Variants in POU3F4 observed in about 807,000 individuals in gnomAD.
The protein encoded by POU3F4 is POU class 3 homeobox 4.
A neutral mutation model predicts 15.2 loss-of-function variants in POU3F4; 2 were observed. The ratio of observed to expected loss-of-function variants is 0.13; its 90% CI spans 0.05 to 0.42. The LOEUF is 0.42. Among genes scored for constraint, POU3F4 ranks in the 10% least tolerant of loss-of-function variants. The pLI is 0.99. For missense variants in POU3F4, 220 were observed against 297.0 expected, an observed-to-expected ratio of 0.74 and a Z score of 1.91; for synonymous variants, 158 against 133.3, an observed-to-expected ratio of 1.19 and a Z score of -1.28.
rs758987044 is a variant in POU3F4 at position 83,511,882 on chromosome X, TAA to T, written c.*2473_*2474del. On this transcript the variant is annotated 3_prime_UTR_variant, in exon 1 of 1. Transcript: ENST00000644024. ...GATGTATAATAAACGCTATTTTCAT[TAA>T]GAGTTGCTTTTTCAACTATTTTATT... 3.5e-5 allele frequency: 4 copies of T among 112,698 alleles called. No homozygotes were observed. The highest frequency in any genetic ancestry group is 9.4e-5 in the Admixed American group (1 of 10,690). The allele number at this position is 112,698 out of a possible 1,213,427, so 9.3% of individuals were successfully genotyped here.
At position 83,509,398 on chromosome X, in the gene POU3F4, C is replaced by T; in HGVS notation, c.1074C>T (p.Cys358=). ...YSHTVKTDTS[C]HDL ...ACACCGTGAAAACAGACACATCTTG[C>T]CATGATCTCTGACTGGAGGAAGCGA... is the stretch of plus-strand genomic sequence containing the variant. Residue 358 remains cysteine, a synonymous_variant, in exon 1 of 1, where the codon TGC becomes TGT. Coordinates refer to ENST00000644024, the MANE Select transcript of POU3F4 (RefSeq NM_000307.5). The T allele has an allele frequency of 8.3e-7, 1 of 1,201,193 alleles. No homozygotes were observed. The highest frequency in any genetic ancestry group is 1.7e-5 in the African/African-American group (1 of 57,836).
chrX:83,511,705 C>G lies in POU3F4; in HGVS notation c.*2295C>G, dbSNP rs921303321. The G allele has an allele frequency of 5.4e-5, 6 of 111,642 alleles. No homozygotes were observed. Among genetic ancestry groups the G allele is most frequent in the Non-Finnish European group, 1.1e-4 (6 of 53,147 alleles). The allele number at this position is 111,642 out of a possible 1,213,427, so 9.2% of individuals were successfully genotyped here. ...ACTGTTGGGAGTTTTTTGTTTGTTT[C>G]GATTTTTTTTCTTTGCAGTTAATTG... On this transcript the variant is annotated 3_prime_UTR_variant, in exon 1 of 1. Coordinates refer to ENST00000644024, the MANE Select transcript of POU3F4 (RefSeq NM_000307.5).
rs1266974449 is a variant in POU3F4, at chrX:83,510,958, G to C, written c.*1548G>C. 9.1e-6 allele frequency: 1 copy of C among 109,570 alleles called. No homozygotes were observed. Among genetic ancestry groups the C allele is most frequent in the Non-Finnish European group, 1.9e-5 (1 of 52,419 alleles). The allele number at this position is 109,570 out of a possible 1,213,427, so 9.0% of individuals were successfully genotyped here. On this transcript the variant is annotated 3_prime_UTR_variant, in exon 1 of 1. Transcript: ENST00000644024. Reference sequence around the variant, plus strand: ...TATACCGCTGTCTGTGTGTGGGCTCGTGGGGAGCTGTCTCGGCGTTTCTGA... The same window carrying C: ...TATACCGCTGTCTGTGTGTGGGCTCCTGGGGAGCTGTCTCGGCGTTTCTGA...
chrX:83,508,650 A>G lies in POU3F4; in HGVS notation c.326A>G (p.Asn109Ser). 8.3e-7 allele frequency: 1 copy of G among 1,211,163 alleles called. No homozygotes were observed. The highest frequency in any genetic ancestry group is 3.0e-5 in the East Asian group (1 of 33,767). Residue 109 changes from asparagine to serine, a missense_variant, in exon 1 of 1, where the codon AAC becomes AGC. Around this residue, in one of 5 missense-constraint regions of POU3F4, gnomAD observed 161 missense variants for 154.1 expected, o/e 1.05. Coordinates refer to ENST00000644024, the MANE Select transcript of POU3F4 (RefSeq NM_000307.5). ...GTAGCCCACCACTCACCGCACACTA[A>G]CCACCCCAACGCCTGGGGGGCCAGC... ...PHVAHHSPHT[N>S]HPNAWGASPA... is the part of the protein sequence containing the mutation.
In POU3F4 at chrX:83,509,890, T is replaced by A. The variant is rs931276942; in HGVS notation, c.*480T>A. ...CTTTTCTGCTGATCAATACATATTG[T>A]TTACTCAGAGTAAGGTTTGTTTGGT... On this transcript the variant is annotated 3_prime_UTR_variant, in exon 1 of 1. Transcript: ENST00000644024. The A allele has an allele frequency of 8.3e-6, 1 of 120,439 alleles. No homozygotes were observed. The highest frequency in any genetic ancestry group is 1.8e-5 in the Non-Finnish European group (1 of 55,067). The allele number at this position is 120,439 out of a possible 1,213,427, so 9.9% of individuals were successfully genotyped here.
chrX:83,508,839 A>C lies in POU3F4; in HGVS notation c.515A>C (p.His172Pro). 8.3e-7 allele frequency: 1 copy of C among 1,208,978 alleles called. No individual in the cohort carries two copies. Among genetic ancestry groups the C allele is most frequent in the Non-Finnish European group, 1.1e-6 (1 of 893,880 alleles). ...LHPVLREPPD[H>P]GELGSHHCQD... ...CCGGTGCTCCGAGAGCCCCCGGATC[A>C]CGGCGAACTGGGCTCGCACCATTGC... Residue 172 changes from histidine (H) to proline (P), a missense_variant, in exon 1 of 1, where the codon CAC (histidine) becomes CCC (proline). His to Pro is a moderately conservative substitution (Grantham distance 77). Around this residue, in one of 5 missense-constraint regions of POU3F4, gnomAD observed 161 missense variants for 154.1 expected, o/e 1.05. Transcript: ENST00000644024.
rs1217254802 is a variant in POU3F4 at position 83,512,092 on chromosome X, A to T, written c.*2682A>T. The stretch of plus-strand genomic sequence containing the variant: ...CAATATTTTATTGTTGTAAAAGATT[A>T]AAAAGGTTTAAATAAAACATTTTTC... On this transcript the variant is annotated 3_prime_UTR_variant, in exon 1 of 1. Coordinates refer to ENST00000644024, the MANE Select transcript of POU3F4 (RefSeq NM_000307.5). 1.8e-5 allele frequency: 2 copies of T among 112,804 alleles called. No homozygotes were observed. The highest frequency in any genetic ancestry group is 1.9e-4 in the Admixed American group (2 of 10,714). 9.3% of individuals were successfully genotyped at this position (112,804 alleles called of 1,213,427 possible).
Position 83,508,422 on chromosome X carries a change from A to G in POU3F4, c.98A>G (p.Asn33Ser). Reference protein sequence around the residue: ...AGMQQGSPFRNPQKLLQSDYL... With the variant: ...AGMQQGSPFRSPQKLLQSDYL... ...ATGCAGCAGGGGAGTCCTTTCCGCA[A>G]CCCTCAGAAACTTCTCCAAAGTGAT... Residue 33 changes from asparagine to serine, a missense_variant, in exon 1 of 1, where the codon AAC (asparagine) becomes AGC (serine). Physicochemically the swap from Asn to Ser is conservative, Grantham distance 46 (BLOSUM62 1). This residue lies in a region of POU3F4 where 161 missense variants were observed against 154.1 expected (regional missense o/e 1.05). Transcript: ENST00000644024. 5 of 1,211,119 alleles carry G rather than the reference A, an allele frequency of 4.1e-6. No individual in the cohort carries two copies. Among genetic ancestry groups the G allele is most frequent in the Non-Finnish European group, 5.6e-6 (5 of 895,238 alleles).
Position 83,509,332 on chromosome X carries a change from G to A in POU3F4, c.1008G>A (p.Met336Ile). Residue 336 changes from methionine to isoleucine, a missense_variant, in exon 1 of 1, where the codon ATG becomes ATA. Physicochemically the swap from Met to Ile is conservative, Grantham distance 10. Coordinates refer to ENST00000644024, the MANE Select transcript of POU3F4 (RefSeq NM_000307.5). ...FCNRRQKEKR[M>I]TPPGDQQPHE... ...ATCGAAGACAAAAAGAGAAAAGAATGACTCCGCCAGGGGATCAGCAGCCGC... is the reference window on the plus strand; with the variant it reads ...ATCGAAGACAAAAAGAGAAAAGAATAACTCCGCCAGGGGATCAGCAGCCGC... 2 of 1,210,207 alleles carry A rather than the reference G, an allele frequency of 1.7e-6. No homozygotes were observed. The highest frequency in any genetic ancestry group is 2.2e-6 in the Non-Finnish European group (2 of 894,647).
Position 83,509,662 on chromosome X carries a change from T to C in POU3F4, c.*252T>C. On this transcript the variant is annotated 3_prime_UTR_variant, in exon 1 of 1. Coordinates refer to ENST00000644024, the MANE Select transcript of POU3F4 (RefSeq NM_000307.5). Reference sequence around the variant, plus strand: ...CTTCCCTTCCCTTCCCTTCCATCTCTTCCTTTCCTTTCCTTTCTTTTCTTT... The same window carrying C: ...CTTCCCTTCCCTTCCCTTCCATCTCCTCCTTTCCTTTCCTTTCTTTTCTTT... The C allele has an allele frequency of 2.5e-6, 1 of 402,461 alleles. No homozygotes were observed. The highest frequency in any genetic ancestry group is 5.1e-5 in the Admixed American group (1 of 19,641). The allele number at this position is 402,461 out of a possible 1,213,427, so 33.2% of individuals were successfully genotyped here. A position where few individuals can be genotyped will look rare whatever the true frequency, so the allele number is the denominator to read the frequency against.
Position 83,510,939 on chromosome X carries a change from GCTGT to G in POU3F4, c.*1534_*1537del, listed in dbSNP as rs1225916438. On this transcript the variant is annotated 3_prime_UTR_variant, in exon 1 of 1. Transcript: ENST00000644024. The stretch of plus-strand genomic sequence containing the variant: ...CCACCTCTCCCCCCATGTATATACC[GCTGT>G]CTGTGTGTGGGCTCGTGGGGAGCTG... The G allele has an allele frequency of 1.8e-5, 2 of 110,383 alleles. No individual in the cohort carries two copies. Among genetic ancestry groups the G allele is most frequent in the African/African-American group, 3.3e-5 (1 of 30,310 alleles). 9.1% of individuals were successfully genotyped at this position (110,383 alleles called of 1,213,427 possible).
rs899938411 is a variant in POU3F4 at position 83,510,810 on chromosome X, T to C, written c.*1400T>C. The C allele has an allele frequency of 1.8e-5, 2 of 111,264 alleles. No homozygotes were observed. The highest frequency in any genetic ancestry group is 3.8e-5 in the Non-Finnish European group (2 of 52,972). 9.2% of individuals were successfully genotyped at this position (111,264 alleles called of 1,213,427 possible). ...CCGCCCCCTCTGAGTAAGAAACCCT[T>C]GGGGAGGGGTGGCGAGGGAGTGGGG... On this transcript the variant is annotated 3_prime_UTR_variant, in exon 1 of 1. Coordinates refer to ENST00000644024, the MANE Select transcript of POU3F4 (RefSeq NM_000307.5).
rs1925870038 is a variant in POU3F4 at position 83,509,728 on chromosome X, A to G, written c.*318A>G. On this transcript the variant is annotated 3_prime_UTR_variant, in exon 1 of 1. Coordinates refer to ENST00000644024, the MANE Select transcript of POU3F4 (RefSeq NM_000307.5). ...TTTTTCCCTTTTCTTTCCTTTTCAT[A>G]AGAGGTTCTAACTTCTGTTGACAAA... 3.3e-6 allele frequency: 1 copy of G among 301,373 alleles called. No individual in the cohort carries two copies. Among genetic ancestry groups the G allele is most frequent in the Admixed American group, 6.4e-5 (1 of 15,712 alleles). The allele number at this position is 301,373 out of a possible 1,213,427, so 24.8% of individuals were successfully genotyped here.
rs1925914503 is a variant in POU3F4, at chrX:83,511,618, T to G, written c.*2208T>G. 8.9e-6 allele frequency: 1 copy of G among 112,315 alleles called. No individual in the cohort carries two copies. The highest frequency in any genetic ancestry group is 3.6e-4 in the South Asian group (1 of 2,743). The allele number at this position is 112,315 out of a possible 1,213,427, so 9.3% of individuals were successfully genotyped here. A position where few individuals can be genotyped will look rare whatever the true frequency, so the allele number is the denominator to read the frequency against. On this transcript the variant is annotated 3_prime_UTR_variant, in exon 1 of 1. Transcript: ENST00000644024. ...TTGTCAAGTCTCTGCATTCTGTTGG[T>G]AGTTAGGTTTTAGTTCTGGGATTTT...
In POU3F4 at chrX:83,508,699, G is replaced by C. The variant is rs1458860746; in HGVS notation, c.375G>C (p.Thr125=). 1.8e-5 allele frequency: 22 copies of C among 1,210,085 alleles called. No homozygotes were observed. Among genetic ancestry groups the C allele is most frequent in the Non-Finnish European group, 2.5e-5 (22 of 895,041 alleles). Residue 125 remains threonine, a synonymous_variant, in exon 1 of 1, where the codon ACG becomes ACC. Transcript: ENST00000644024. ...GASPAPNPSI[T]SSGQPLNVYS... is the part of the protein sequence containing the mutation. ...GCCCGGCACCGAACCCGTCTATCAC[G>C]TCAAGCGGCCAACCCCTCAACGTGT...
At position 83,508,546 on chromosome X, in the gene POU3F4, C is replaced by A; in HGVS notation, c.222C>A (p.Ser74Arg). 8.3e-7 allele frequency: 1 copy of A among 1,204,119 alleles called. No homozygotes were observed. The highest frequency in any genetic ancestry group is 1.8e-5 in the South Asian group (1 of 55,771). Residue 74 changes from serine to arginine, a missense_variant, in exon 1 of 1, where the codon AGC (serine) becomes AGA (arginine). Coordinates refer to ENST00000644024, the MANE Select transcript of POU3F4 (RefSeq NM_000307.5). ...CATGGTCCTCCACACTGGCCACCAG[C>A]CCCCTGGACCAGCAGGACGTGAAGC... ...GGPWSSTLATSPLDQQDVKPG... is the reference protein window; with the variant it reads ...GGPWSSTLATRPLDQQDVKPG...
chrX:83,509,731 A>C lies in POU3F4; in HGVS notation c.*321A>C. ...TTCCCTTTTCTTTCCTTTTCATAAG[A>C]GGTTCTAACTTCTGTTGACAAAGGA... On this transcript the variant is annotated 3_prime_UTR_variant, in exon 1 of 1. Transcript: ENST00000644024. 3.3e-6 allele frequency: 1 copy of C among 303,112 alleles called. No individual in the cohort carries two copies. Among genetic ancestry groups the C allele is most frequent in the Non-Finnish European group, 5.9e-6 (1 of 169,469 alleles). 25.0% of individuals were successfully genotyped at this position (303,112 alleles called of 1,213,427 possible).
rs965420248 is a variant in POU3F4, at chrX:83,510,925, C to T, written c.*1515C>T. ...GGTCCATCCGCGTACCACCTCTCCC[C>T]CCATGTATATACCGCTGTCTGTGTG... On this transcript the variant is annotated 3_prime_UTR_variant, in exon 1 of 1. Coordinates refer to ENST00000644024, the MANE Select transcript of POU3F4 (RefSeq NM_000307.5). 19 of 110,196 alleles carry T rather than the reference C, an allele frequency of 1.7e-4. No homozygotes were observed. Among genetic ancestry groups the T allele is most frequent in the Non-Finnish European group, 3.2e-4 (17 of 52,708 alleles). 9.1% of individuals were successfully genotyped at this position (110,196 alleles called of 1,213,427 possible).
At position 83,509,483 on chromosome X, in the gene POU3F4, T is replaced by A; in HGVS notation, c.*73T>A. On this transcript the variant is annotated 3_prime_UTR_variant, in exon 1 of 1. Coordinates refer to ENST00000644024, the MANE Select transcript of POU3F4 (RefSeq NM_000307.5). ...TTCTCTTTCTCTCTCACTCTCTTCC[T>A]TTCATTCTAGTATTCTTTATTATTT... 8.7e-7 allele frequency: 1 copy of A among 1,146,136 alleles called. No individual in the cohort carries two copies. The highest frequency in any genetic ancestry group is 1.9e-5 in the South Asian group (1 of 52,120). The allele number at this position is 1,146,136 out of a possible 1,213,427, so 94.5% of individuals were successfully genotyped here. A position where few individuals can be genotyped will look rare whatever the true frequency, so the allele number is the denominator to read the frequency against.
Sources: gnomAD v4.1 joint callset for allele counts on GRCh38, gnomAD v4.1.1 for gene constraint, gnomAD v4.1.1 regional missense constraint, MANE v1.5 for transcripts, NCBI Gene and HGNC (gene_info 2026-07-23, HGNC 2026-07-21) for gene names.